Variants in LDLRAD4 observed in about 807,000 individuals in gnomAD.
LDLRAD4 encodes low density lipoprotein receptor class A domain containing 4, also known as low-density lipoprotein receptor class A domain-containing protein 4.
In LDLRAD4, 5 loss-of-function variants were observed where a neutral mutation model predicts 17.0. The observed-to-expected ratio is 0.29, with a 90% CI of 0.15 to 0.62. LDLRAD4 has a LOEUF of 0.62. Ranked by LOEUF, LDLRAD4 falls within the 20% of genes least tolerant of loss-of-function variation. The pLI, the probability that LDLRAD4 is intolerant of heterozygous loss-of-function variation, is 0.84. For missense variants in LDLRAD4, 340 were observed against 424.7 expected, an observed-to-expected ratio of 0.80 and a Z score of 1.75; for synonymous variants, 168 against 171.8, an observed-to-expected ratio of 0.98 and a Z score of 0.17.
chr18:13,627,925 C>T (rs1272667457), intron 4 of LDLRAD4, among the ~76,000 whole-genome samples: 1 of 152,134 alleles, frequency 6.6e-6, no homozygotes, highest in Non-Finnish European at 1.5e-5. Flanking sequence ...AGTGAGGGGA[C>T]CTCTGGGTGT....
exon 5 of LDLRAD4, chr18:13,643,409 G>A (rs879833482): frequency 6.2e-6 from 8 of 1,284,396 alleles, no homozygotes; most frequent in Admixed American, 3.7e-5. Flanking sequence ...TGGGCGCCTC[G>A]GAGGTAAGGG....
In LDLRAD4 at chr18:13,377,023, C is replaced by T. The variant is rs115289758; in HGVS notation, c.-382-10318C>T. ...ACAGATGCACTTTCACATCCTGCCTCGCCTGGCCTTGCAGGAAGTCAGGAA... is the reference window on the plus strand; with the variant it reads ...ACAGATGCACTTTCACATCCTGCCTTGCCTGGCCTTGCAGGAAGTCAGGAA... On this transcript the variant is annotated intron_variant, in intron 1 of 5. Coordinates refer to ENST00000359446, the Ensembl canonical transcript of LDLRAD4. 3.6e-3 allele frequency among the ~76,000 whole-genome samples: 551 copies of T among 152,296 alleles called. 3 individuals are homozygous for T. The highest frequency in any genetic ancestry group is 0.012 in the African/African-American group (515 of 41,572).
At chr18:13,254,715 A>G (rs1261185918) in intron 1 of LDLRAD4, among the ~76,000 whole-genome samples, 1 of 152,228 alleles carries the variant, frequency 6.6e-6, no homozygotes, top group African/African-American at 2.4e-5. Context: ...GTCATCCCAG[A>G]GCTTTGGGAG....
At chr18:13,479,545 C>T (rs575791917) in intron 3 of LDLRAD4, among the ~76,000 whole-genome samples, 51 of 152,062 alleles carry the variant, frequency 3.4e-4, no homozygotes, top group African/African-American at 1.2e-3. Context: ...CGCTTGAACC[C>T]GGGAGGCGGA....
intron 1 of LDLRAD4, among the ~76,000 whole-genome samples, chr18:13,230,164 A>G (rs183787492): frequency 3.3e-5 from 5 of 152,344 alleles, no homozygotes; most frequent in Admixed American, 3.3e-4. Flanking sequence ...GAGGACTCAC[A>G]GAAGGTGCCA....
At chr18:13,283,545 CTCTG>C (rs1251609671) in intron 1 of LDLRAD4, among the ~76,000 whole-genome samples, 3 of 152,226 alleles carry the variant, frequency 2.0e-5, no homozygotes, top group Admixed American at 2.0e-4. Flanking sequence ...AGTTCCTCAT[CTCTG>C]TCTGAGACCA....
intron 3 of LDLRAD4, among the ~76,000 whole-genome samples, chr18:13,516,975 G>A (rs2093876714): frequency 6.6e-6 from 1 of 152,042 alleles, no homozygotes; most frequent in South Asian, 2.1e-4. Flanking sequence ...TCAGCTTCTC[G>A]AATATCTGGG....
Position 13,386,939 on chromosome 18 carries a change from GATAGATAGA to G in LDLRAD4, c.-382-401_-382-393del, listed in dbSNP as rs1568082900. 4.7e-3 allele frequency among the ~76,000 whole-genome samples: 599 copies of G among 127,232 alleles called. 7 individuals carry two copies. The highest frequency in any genetic ancestry group is 0.018 in the African/African-American group (532 of 30,148). 83.5% of individuals were successfully genotyped at this position (127,232 alleles called of 152,430 possible). ...AGATAGATAGATAGATAGATAGATAGATAGATAGATGGATGGATGGATAGATAAGATAGA... is the reference window on the plus strand; with the variant it reads ...AGATAGATAGATAGATAGATAGATAGTGGATGGATGGATAGATAAGATAGA... On this transcript the variant is annotated intron_variant, in intron 1 of 5. Transcript: ENST00000359446.
chr18:13,411,632 A>AC (rs2088373730), intron 2 of LDLRAD4, among the ~76,000 whole-genome samples: 1 of 152,204 alleles, frequency 6.6e-6, no homozygotes, highest in Non-Finnish European at 1.5e-5. Flanking sequence ...CTTGCCTGCT[A>AC]CCAGGTAAGA....
At chr18:13,405,785 T>G (rs1233239576) in intron 2 of LDLRAD4, among the ~76,000 whole-genome samples, 2 of 152,212 alleles carry the variant, frequency 1.3e-5, no homozygotes, top group African/African-American at 4.8e-5. Context: ...CGCTTCACTG[T>G]GGACTGTTGA....
chr18:13,241,557 G>A (rs576097710), intron 1 of LDLRAD4: 2 of 152,410 alleles, frequency 1.3e-5, no homozygotes, highest in African/African-American at 2.4e-5. Flanking sequence ...CCTGAGGGAC[G>A]GATGCAGGGG....
chr18:13,626,992 G>T (rs931035805), intron 4 of LDLRAD4, among the ~76,000 whole-genome samples: 3 of 152,222 alleles, frequency 2.0e-5, no homozygotes, highest in Admixed American at 1.3e-4. Context: ...AATTGGGGCT[G>T]GGTGCGGTGG....
intron 3 of LDLRAD4, among the ~76,000 whole-genome samples, chr18:13,590,713 C>G (rs1200663126): frequency 6.6e-6 from 1 of 152,200 alleles, no homozygotes; most frequent in Non-Finnish European, 1.5e-5. Flanking sequence ...TTGACTGATT[C>G]ATTCTGTACC....
chr18:13,510,914 C>G (rs1389751903), intron 3 of LDLRAD4, among the ~76,000 whole-genome samples: 1 of 152,150 alleles, frequency 6.6e-6, no homozygotes, highest in Non-Finnish European at 1.5e-5. Context: ...CAACACAAAA[C>G]AAAACAGGAA....
At chr18:13,291,539 T>A (rs2146415032) in intron 1 of LDLRAD4, among the ~76,000 whole-genome samples, 1 of 152,204 alleles carries the variant, frequency 6.6e-6, no homozygotes, top group South Asian at 2.1e-4. Context: ...TCCCTGGGTG[T>A]CTGGAGCACC....
At chr18:13,441,313 C>A (rs1318829949) in intron 3 of LDLRAD4, among the ~76,000 whole-genome samples, 3 of 152,260 alleles carry the variant, frequency 2.0e-5, no homozygotes, top group Middle Eastern at 6.8e-3. Flanking sequence ...CTACAGCAGG[C>A]AGACAGCCTG....
chr18:13,225,509 A>G (rs1598750024), intron 1 of LDLRAD4, among the ~76,000 whole-genome samples: 2 of 152,360 alleles, frequency 1.3e-5, no homozygotes, highest in African/African-American at 4.8e-5. Context: ...GAAGACCTCT[A>G]GAGAGACTGT....
Position 13,342,477 on chromosome 18 carries a change from C to CTTTTT in LDLRAD4, c.-382-44843_-382-44839dup, listed in dbSNP as rs10706515. Among the ~76,000 whole-genome samples the CTTTTT allele has an allele frequency of 6.0e-3, 231 of 38,670 alleles. 1 individual carries two copies. Among genetic ancestry groups the CTTTTT allele is most frequent in the East Asian group, 7.7e-3 (9 of 1,164 alleles). The allele number at this position is 38,670 out of a possible 152,430, so 25.4% of individuals were successfully genotyped here. A position where few individuals can be genotyped will look rare whatever the true frequency, so the allele number is the denominator to read the frequency against. On this transcript the variant is annotated intron_variant, in intron 1 of 5. Transcript: ENST00000359446. ...GTCTGTGGTTCCTGGGCCTTCCTGTCTTTTTTTTTTTTTTTTTTTTTTTTT... is the reference window on the plus strand; with the variant it reads ...GTCTGTGGTTCCTGGGCCTTCCTGTCTTTTTTTTTTTTTTTTTTTTTTTTTTTTTT...
chr18:13,359,058 A>G (rs113327855), intron 1 of LDLRAD4, among the ~76,000 whole-genome samples: 2,082 of 152,300 alleles, frequency 0.014, 33 homozygotes, highest in Middle Eastern at 0.034. Flanking sequence ...CTGGCTTTTC[A>G]GGCTGTGTTC....
Sources: allele counts gnomAD v4.1 joint callset (sites outside exome capture counted in the v4.1 genomes callset), GRCh38; gene constraint gnomAD v4.1.1; transcripts MANE v1.5; gene names NCBI Gene and HGNC (gene_info 2026-07-23, HGNC 2026-07-21).